PLEKHG4B: variants seen among roughly 807,000 people sequenced by gnomAD.
The protein encoded by PLEKHG4B is pleckstrin homology and RhoGEF domain containing G4B, also known as pleckstrin homology domain-containing family G member 4B.
Under a neutral mutation model 121.3 loss-of-function variants are expected in PLEKHG4B, and 111 were observed. The observed-to-expected ratio is 0.92, with a 90% CI of 0.78 to 1.07. The LOEUF (loss-of-function observed/expected upper bound fraction) is 1.07, where lower values mean the gene tolerates loss of function less well. PLEKHG4B is among the 50% of genes least tolerant of loss of function. The pLI is 0.00. For synonymous variants in PLEKHG4B, 738 were observed against 725.0 expected (o/e 1.02, Z -0.29); for missense variants, 1,831 against 1,757.8 (o/e 1.04, Z -0.74).
intron 19 of PLEKHG4B, 22 bp downstream of exon 19, chr5:181,697 C>G (rs753272132): frequency 6.2e-7 from 1 of 1,603,894 alleles, no homozygotes; most frequent in Non-Finnish European, 8.5e-7. Context: ...CGGTCCCGCC[C>G]TCACTCACCC....
chr5:113,956 C>G lies in PLEKHG4B; in HGVS notation c.243+508C>G, dbSNP rs10042022. On this transcript the variant is annotated intron_variant, in intron 2 of 19. Coordinates refer to ENST00000637938, the MANE Select transcript of PLEKHG4B (RefSeq NM_052909.5). This position sits in a 1 kb window ranked among gnomAD's most constrained non-coding sequence, Gnocchi z 5.2. Reference sequence around the variant, plus strand: ...CCAGACCAGCAAAGTAAGGCAGATACCACGCTAATGCCAGACACACAAAGT... The same window carrying G: ...CCAGACCAGCAAAGTAAGGCAGATAGCACGCTAATGCCAGACACACAAAGT... Among the ~76,000 whole-genome samples, 1 of 152,140 alleles carries G rather than the reference C, an allele frequency of 6.6e-6. No individual in the cohort carries two copies. Among genetic ancestry groups the G allele is most frequent in the Non-Finnish European group, 1.5e-5 (1 of 68,040 alleles).
At chr5:115,367 AG>A (rs1734275232) in intron 2 of PLEKHG4B, among the ~76,000 whole-genome samples, 1 of 152,204 alleles carries the variant, frequency 6.6e-6, no homozygotes, top group Non-Finnish European at 1.5e-5. Flanking sequence ...TTATAGAGCA[AG>A]GCCAAGTAGA....
intron 7 of PLEKHG4B, 104 bp downstream of exon 7, chr5:151,703 A>C (rs2126419223): frequency 5.5e-6 from 4 of 722,608 alleles, no homozygotes; most frequent in Non-Finnish European, 8.7e-6. Context: ...TTCTAATTGC[A>C]TCCATGTGGG....
intron 1 of PLEKHG4B, among the ~76,000 whole-genome samples, chr5:109,091 T>TG (rs557044313): frequency 0.016 from 2,448 of 152,060 alleles, 39 homozygotes; most frequent in Non-Finnish European, 0.023. Flanking sequence ...ACAGTGTGGG[T>TG]CCCCCGCTGT....
In PLEKHG4B at chr5:139,322, C is replaced by G. The variant is rs1735077384; in HGVS notation, c.244-161C>G. 6.6e-6 allele frequency among the ~76,000 whole-genome samples: 1 copy of G among 152,222 alleles called. No individual in the cohort carries two copies. The highest frequency in any genetic ancestry group is 6.5e-5 in the Admixed American group (1 of 15,286). On this transcript the variant is annotated intron_variant, in intron 2 of 19. Transcript: ENST00000637938. The surrounding 1 kb of genome is among the most constrained non-coding windows in gnomAD (Gnocchi z 5.0). ...GCCCGTGTTTTCTAGTCCTAATGAC[C>G]TGCTTTATGTTCCAAGGAACAGGAC...
At position 118,572 on chromosome 5, in the gene PLEKHG4B, A is replaced by G. The variant is rs535219199; in HGVS notation, c.243+5124A>G. Among the ~76,000 whole-genome samples the G allele has an allele frequency of 2.0e-5, 3 of 152,312 alleles. No homozygotes were observed. In the East Asian group the frequency reaches 5.8e-4, roughly 29 times the overall value. On this transcript the variant is annotated intron_variant, in intron 2 of 19. Transcript: ENST00000637938. Reference sequence around the variant, plus strand: ...TTTAACTCACTACAGCCTAACTTCAATTAATATTTTAAAGTTCATGAGGGT... The same window carrying G: ...TTTAACTCACTACAGCCTAACTTCAGTTAATATTTTAAAGTTCATGAGGGT...
rs1251202703 is a variant in PLEKHG4B, at chr5:129,118, G to A, written c.244-10365G>A. 2.0e-5 allele frequency among the ~76,000 whole-genome samples: 3 copies of A among 152,190 alleles called. No homozygotes were observed. The South Asian group carries it at 6.2e-4, about 32-fold the overall frequency. ...TATTCTGAAGCAGCCTTGCAAAATTGTCTCTTGTGGAGGACATTTGCATTC... is the reference window on the plus strand; with the variant it reads ...TATTCTGAAGCAGCCTTGCAAAATTATCTCTTGTGGAGGACATTTGCATTC... On this transcript the variant is annotated intron_variant, in intron 2 of 19. Transcript: ENST00000637938.
In PLEKHG4B at chr5:183,995, A is replaced by AGATAGATC. The variant is rs1553992890; in HGVS notation, c.*1679_*1680insCGATAGAT. The AGATAGATC allele has an allele frequency of 1.9e-5, 2 of 102,802 alleles. No individual in the cohort carries two copies. Among genetic ancestry groups the AGATAGATC allele is most frequent in the African/African-American group, 6.7e-5 (1 of 14,974 alleles). 6.4% of individuals were successfully genotyped at this position (102,802 alleles called of 1,614,324 possible). A position where few individuals can be genotyped will look rare whatever the true frequency, so the allele number is the denominator to read the frequency against. ...CAGATAGATAGATAGATAGATCGATAGATAGATAGATAGATAGATAGATAG... is the reference window on the plus strand; with the variant it reads ...CAGATAGATAGATAGATAGATCGATAGATAGATCGATAGATAGATAGATAGATAGATAG... On this transcript the variant is annotated 3_prime_UTR_variant, in exon 20 of 20. Transcript: ENST00000637938.
In PLEKHG4B at chr5:140,374, A is replaced by G. The variant is rs1395003156; in HGVS notation, c.1135A>G (p.Ser379Gly). Residue 379 changes from serine to glycine, a missense_variant, in exon 3 of 20, where the codon AGC becomes GGC. Transcript: ENST00000637938. Reference protein sequence around the residue: ...SEEALGDLACSSLTGASRDLG... With the variant: ...SEEALGDLACGSLTGASRDLG... ...GGAGGCCCTCGGGGACCTGGCCTGC[A>G]GCTCCCTGACTGGAGCCAGCAGGGA... The G allele has an allele frequency of 1.9e-6, 3 of 1,551,822 alleles. No individual in the cohort carries two copies. Among genetic ancestry groups the G allele is most frequent in the Admixed American group, 2.0e-5 (1 of 51,080 alleles).
intron 3 of PLEKHG4B, among the ~76,000 whole-genome samples, chr5:141,495 C>T (rs981530098): frequency 2.0e-5 from 3 of 150,548 alleles, no homozygotes; most frequent in Non-Finnish European, 4.4e-5. Context: ...TTCTCTGACT[C>T]GAATCTCCCT....
intron 5 of PLEKHG4B, chr5:143,964 G>C (rs1416899850): frequency 1.2e-5 from 2 of 172,176 alleles, no homozygotes; most frequent in Non-Finnish European, 2.5e-5. Flanking sequence ...TTTTTTTTGA[G>C]ACAGGGTCTT....
In PLEKHG4B at chr5:162,900, T is replaced by TGTGGCTGCA. The variant is rs764279693; in HGVS notation, c.2831_2839dup (p.Trp944_Gln946dup). The TGTGGCTGCA allele has an allele frequency of 6.5e-7, 1 of 1,533,990 alleles. No homozygotes were observed. The highest frequency in any genetic ancestry group is 1.3e-5 in the South Asian group (1 of 78,956). Reference sequence around the variant, plus strand: ...AAACCGTGGGCATCACAGCAAGACCTGTGGCTGCAGTACCCCCAGACCCGG... The same window carrying TGTGGCTGCA: ...AAACCGTGGGCATCACAGCAAGACCTGTGGCTGCAGTGGCTGCAGTACCCCCAGACCCGG... On this transcript the variant is annotated inframe_insertion, in exon 13 of 20. Transcript: ENST00000637938.
intron 2 of PLEKHG4B, among the ~76,000 whole-genome samples, chr5:116,972 C>T (rs1734324532): frequency 6.6e-6 from 1 of 152,186 alleles, no homozygotes; most frequent in Non-Finnish European, 1.5e-5. Context: ...GCTTTCGCTG[C>T]GTCTGAAAAC....
chr5:182,252 G>C lies in PLEKHG4B; in HGVS notation c.4813G>C (p.Glu1605Gln), dbSNP rs769612804. Residue 1605 changes from glutamate (E) to glutamine (Q), a missense_variant, in exon 20 of 20, where the codon GAG becomes CAG. Physicochemically the swap from Glu to Gln is conservative, Grantham distance 29. Transcript: ENST00000637938. ...GGAAGATGAGCCAGAGCCAGAACTA[G>C]AGACGGGCACCCAGGCTGCAGTGTG... ...VEEDEPEPEL[E>Q]TGTQAAVCEG... The C allele has an allele frequency of 6.2e-7, 1 of 1,613,488 alleles. No individual in the cohort carries two copies. Among genetic ancestry groups the C allele is most frequent in the Non-Finnish European group, 8.5e-7 (1 of 1,180,016 alleles).
At chr5:148,839 T>C (rs780366970) in intron 6 of PLEKHG4B, among the ~76,000 whole-genome samples, 4 of 152,112 alleles carry the variant, frequency 2.6e-5, no homozygotes, top group Non-Finnish European at 5.9e-5. Flanking sequence ...AAAGCAACAG[T>C]AATCAAAAAA....
At chr5:118,350 A>G (rs1316183368) in intron 2 of PLEKHG4B, among the ~76,000 whole-genome samples, 1 of 152,152 alleles carries the variant, frequency 6.6e-6, no homozygotes, top group African/African-American at 2.4e-5. Context: ...TATACATTAA[A>G]CACACTGACT....
chr5:138,152 C>G (rs1735039543), intron 2 of PLEKHG4B, among the ~76,000 whole-genome samples: 1 of 152,226 alleles, frequency 6.6e-6, no homozygotes, highest in Non-Finnish European at 1.5e-5. Context: ...GACCCGCCCC[C>G]CACCGGCAGC....
chr5:111,077 C>G (rs1001321364), intron 1 of PLEKHG4B, among the ~76,000 whole-genome samples: 2 of 152,266 alleles, frequency 1.3e-5, no homozygotes, highest in African/African-American at 4.8e-5. Context: ...GCAGCTCCCT[C>G]ATCATGAGCA....
chr5:120,112 G>A (rs1330116133), intron 2 of PLEKHG4B, among the ~76,000 whole-genome samples: 2 of 152,136 alleles, frequency 1.3e-5, no homozygotes, highest in African/African-American at 2.4e-5. Context: ...AACCAGTCAT[G>A]GTGGGTGGTG....
Sources: allele counts gnomAD v4.1 joint callset (sites outside exome capture counted in the v4.1 genomes callset), GRCh38; gene constraint gnomAD v4.1.1; non-coding constraint Gnocchi (gnomAD v3.1); transcripts MANE v1.5; gene names NCBI Gene and HGNC (gene_info 2026-07-23, HGNC 2026-07-21).